TNFRSF18: variants seen among roughly 807,000 people sequenced by gnomAD.
The protein encoded by TNFRSF18 is TNF receptor superfamily member 18, also known as tumor necrosis factor receptor superfamily member 18.
A neutral mutation model predicts 30.2 loss-of-function variants in TNFRSF18; 36 were observed. The observed-to-expected ratio is 1.19, with a 90% confidence interval of 0.91 to 1.58. The LOEUF (loss-of-function observed/expected upper bound fraction) is 1.58, where lower values mean the gene tolerates loss of function less well. Ranked by LOEUF, TNFRSF18 falls within the 40% of genes most tolerant of loss-of-function variation. The probability of loss-of-function intolerance (pLI) is 0.00; values close to 1 mark genes in which losing one functional copy is unlikely to be tolerated. For synonymous variants in TNFRSF18, 173 were observed against 158.3 expected, an observed-to-expected ratio of 1.09 and a Z score of -0.70; for missense variants, 369 against 345.4, an observed-to-expected ratio of 1.07 and a Z score of -0.54.
rs1402469632 is a variant in TNFRSF18 at position 1,206,406 on chromosome 1, G to A, written c.166C>T (p.Arg56Cys). 3.2e-6 allele frequency: 5 copies of A among 1,547,254 alleles called. No homozygotes were observed. Among genetic ancestry groups the A allele is most frequent in the Middle Eastern group, 2.1e-4 (1 of 4,854 alleles). ...DARCCRVHTT[R>C]CCRDYPGEEC... ...TTACCCGGGTAATCGCGGCAGCAGC[G>A]CGTCGTGTGAACCCGGCAGCAGCGC... Residue 56 changes from arginine to cysteine, a missense_variant, in exon 1 of 5, where the codon CGC becomes TGC. Arg to Cys is a radical substitution (Grantham distance 180, BLOSUM62 -3). Coordinates refer to ENST00000379268, the MANE Select transcript of TNFRSF18 (RefSeq NM_004195.3).
Position 1,203,832 on chromosome 1 carries a change from G to C in TNFRSF18, c.*12C>G. 6.3e-7 allele frequency: 1 copy of C among 1,588,108 alleles called. No individual in the cohort carries two copies. The highest frequency in any genetic ancestry group is 8.5e-7 in the Non-Finnish European group (1 of 1,173,020). ...GCTGGCTGCGGTCGGTGGCCCCGGA[G>C]GACGGCCAGGCTCACACCCACAGGT... On this transcript the variant is annotated 3_prime_UTR_variant, in exon 5 of 5. Coordinates refer to ENST00000379268, the MANE Select transcript of TNFRSF18 (RefSeq NM_004195.3).
chr1:1,203,632 G>A lies in TNFRSF18; in HGVS notation c.*212C>T. The stretch of plus-strand genomic sequence containing the variant: ...TCAGGGCCAGCAAGGGAGGAAGGGG[G>A]CCATGACTGTGTCTCTCTCTCCCTC... On this transcript the variant is annotated 3_prime_UTR_variant, in exon 5 of 5. Transcript: ENST00000379268. The A allele has an allele frequency of 1.9e-6, 3 of 1,545,136 alleles. No homozygotes were observed. Among genetic ancestry groups the A allele is most frequent in the Non-Finnish European group, 2.6e-6 (3 of 1,154,210 alleles).
chr1:1,205,484 A>C lies in TNFRSF18; in HGVS notation c.196T>G (p.Cys66Gly). 1 of 1,611,274 alleles carries C rather than the reference A, an allele frequency of 6.2e-7. No individual in the cohort carries two copies. Among genetic ancestry groups the C allele is most frequent in the Non-Finnish European group, 8.5e-7 (1 of 1,179,218 alleles). Residue 66 changes from cysteine to glycine, a missense_variant, in exon 2 of 5, where the codon TGC becomes GGC. By Grantham distance (159) the Cys-to-Gly change is radical. Transcript: ENST00000379268. ...CACATGCAGTCCCACTCGGAACAGC[A>C]CTCCTCGCCTGGGCAGGAGACAGGC... ...RCCRDYPGEE[C>G]CSEWDCMCVQ...
intron 2 of TNFRSF18, among the ~76,000 whole-genome samples, chr1:1,205,114 C>T (rs529637316): frequency 4.6e-5 from 7 of 152,268 alleles, no homozygotes; most frequent in African/African-American, 7.2e-5. Context: ...TCCTGGAACC[C>T]GCCCCCACCT....
rs924376063 is a variant in TNFRSF18 at position 1,206,506 on chromosome 1, G to A, written c.66C>T (p.Leu22=). The A allele has an allele frequency of 1.3e-5, 20 of 1,544,530 alleles. No individual in the cohort carries two copies. Among genetic ancestry groups the A allele is most frequent in the East Asian group, 1.2e-4 (5 of 40,638 alleles). ...ALCGLALLCA[L]SLGQRPTGGP... ...CCCCGGTGGGGCGCTGACCCAGGCT[G>A]AGCGCGCACAGCAGCGCCAGGCCGC... The change falls in exon 1 of 5, where the codon CTC becomes CTT. Residue 22 remains leucine, a synonymous_variant. Transcript: ENST00000379268.
intron 1 of TNFRSF18, 49 bp from the exon 2 acceptor site, chr1:1,205,541 C>T: frequency 6.3e-7 from 1 of 1,580,906 alleles, no homozygotes; most frequent in South Asian, 1.1e-5. Context: ...GAGGCCCCCT[C>T]CTCCCCAGGC....
chr1:1,203,807 G>A lies in TNFRSF18; in HGVS notation c.*37C>T. 6.3e-7 allele frequency: 1 copy of A among 1,574,928 alleles called. No homozygotes were observed. The highest frequency in any genetic ancestry group is 1.8e-5 in the Admixed American group (1 of 56,390). On this transcript the variant is annotated 3_prime_UTR_variant, in exon 5 of 5. Coordinates refer to ENST00000379268, the MANE Select transcript of TNFRSF18 (RefSeq NM_004195.3). ...CGGCCTGGGGAGCTCCTGGGGAGGG[G>A]CTGGCTGCGGTCGGTGGCCCCGGAG...
chr1:1,206,038 G>C (rs1648807956), intron 1 of TNFRSF18, among the ~76,000 whole-genome samples: 1 of 152,148 alleles, frequency 6.6e-6, no homozygotes, highest in Non-Finnish European at 1.5e-5. Context: ...GTGCAGGGGG[G>C]CCCTCAACTG....
rs1648717067 is a variant in TNFRSF18 at position 1,204,505 on chromosome 1, G to A, written c.311-19C>T. Reference sequence around the variant, plus strand: ...AATTTCCCTGGTGTGGGGTGTGGGGGGAGGGAGGGAGGGAGGCTGGTGGAG... The same window carrying A: ...AATTTCCCTGGTGTGGGGTGTGGGGAGAGGGAGGGAGGGAGGCTGGTGGAG... On this transcript the variant is annotated intron_variant, in intron 2 of 4. Coordinates refer to ENST00000379268, the MANE Select transcript of TNFRSF18 (RefSeq NM_004195.3). 7.0e-6 allele frequency: 10 copies of A among 1,437,250 alleles called. No individual in the cohort carries two copies. Among genetic ancestry groups the A allele is most frequent in the Non-Finnish European group, 9.8e-6 (10 of 1,025,176 alleles). The allele number at this position is 1,437,250 out of a possible 1,614,324, so 89.0% of individuals were successfully genotyped here.
intron 1 of TNFRSF18, 145 bp from the exon 2 acceptor site, chr1:1,205,637 C>A: frequency 1.2e-6 from 1 of 832,080 alleles, no homozygotes. Context: ...GGCTGGGAGT[C>A]TGGACCCTGG....
rs773825402 is a variant in TNFRSF18 at position 1,203,635 on chromosome 1, A to C, written c.*209T>G. On this transcript the variant is annotated 3_prime_UTR_variant, in exon 5 of 5. Transcript: ENST00000379268. ...GGGCCAGCAAGGGAGGAAGGGGGCC[A>C]TGACTGTGTCTCTCTCTCCCTCCTG... is the stretch of plus-strand genomic sequence containing the variant. The C allele has an allele frequency of 1.5e-5, 23 of 1,545,620 alleles. No homozygotes were observed. In the African/African-American group the frequency reaches 3.1e-4, roughly 21 times the overall value.
chr1:1,203,853 C>T lies in TNFRSF18; in HGVS notation c.717G>A (p.Leu239=). The change falls in exon 5 of 5, where the codon CTG becomes CTA. Residue 239 remains leucine, a synonymous_variant. Coordinates refer to ENST00000379268, the MANE Select transcript of TNFRSF18 (RefSeq NM_004195.3). ...SAEEKGRLGD[L]WV ...CGGAGGACGGCCAGGCTCACACCCACAGGTCTCCCAGCCGCCCCTTCTCCT... is the reference window on the plus strand; with the variant it reads ...CGGAGGACGGCCAGGCTCACACCCATAGGTCTCCCAGCCGCCCCTTCTCCT... The T allele has an allele frequency of 6.3e-7, 1 of 1,594,380 alleles. No homozygotes were observed. The highest frequency in any genetic ancestry group is 8.5e-7 in the Non-Finnish European group (1 of 1,175,226).
rs1415871273 is a variant in TNFRSF18, at chr1:1,205,379, G to C, written c.301C>G (p.Gln101Glu). 6.2e-7 allele frequency: 1 copy of C among 1,611,856 alleles called. No individual in the cohort carries two copies. The highest frequency in any genetic ancestry group is 1.3e-5 in the African/African-American group (1 of 74,894). ...HHPCPPGQGVQSQGKFSFGFQ... is the reference protein window; with the variant it reads ...HHPCPPGQGVESQGKFSFGFQ... ...CACCTCCAGGACTTACCCTGGGACTGTACCCCCTGGCCTGGGGGACAAGGG... is the reference window on the plus strand; with the variant it reads ...CACCTCCAGGACTTACCCTGGGACTCTACCCCCTGGCCTGGGGGACAAGGG... Residue 101 changes from glutamine to glutamate, a missense_variant, in exon 2 of 5, where the codon CAG (glutamine) becomes GAG (glutamate). Gln to Glu is a conservative substitution (Grantham distance 29). Coordinates refer to ENST00000379268, the MANE Select transcript of TNFRSF18 (RefSeq NM_004195.3).
At chr1:1,205,913 C>T (rs1323543555) in intron 1 of TNFRSF18, among the ~76,000 whole-genome samples, 1 of 152,228 alleles carries the variant, frequency 6.6e-6, no homozygotes, top group Non-Finnish European at 1.5e-5. Flanking sequence ...CCCACAGGCC[C>T]TGGAGGAAGA....
At chr1:1,205,818 C>G in intron 1 of TNFRSF18, 1 of 343,292 alleles carries the variant, frequency 2.9e-6, no homozygotes, top group Non-Finnish European at 5.4e-6. Context: ...CCGTCGACAC[C>G]TCAGAGGCCG....
At chr1:1,204,573 C>T in intron 2 of TNFRSF18, 87 bp from the exon 3 acceptor site, 2 of 1,018,674 alleles carry the variant, frequency 2.0e-6, no homozygotes, top group Admixed American at 1.9e-5. Context: ...GTGCAGGGGT[C>T]CATCTGGGGT....
intron 2 of TNFRSF18, among the ~76,000 whole-genome samples, chr1:1,205,060 G>A (rs1431391242): frequency 2.0e-5 from 3 of 152,164 alleles, no homozygotes; most frequent in African/African-American, 4.8e-5. Flanking sequence ...AGTATGTGGT[G>A]AGGACAGACA....
chr1:1,206,311 G>A (rs912644166), intron 1 of TNFRSF18, 74 bp downstream of exon 1: 56 of 1,495,284 alleles, frequency 3.7e-5, no homozygotes, highest in Non-Finnish European at 4.5e-5. Flanking sequence ...AGCACGGGAA[G>A]GGGGGCGCCC....
In TNFRSF18 at chr1:1,204,146, A is replaced by G. The variant is rs754685317; in HGVS notation, c.489T>C (p.Leu163=). The G allele has an allele frequency of 5.0e-6, 8 of 1,612,056 alleles. No individual in the cohort carries two copies. Among genetic ancestry groups the G allele is most frequent in the Non-Finnish European group, 6.8e-6 (8 of 1,179,730 alleles). Residue 163 remains leucine, a synonymous_variant, in exon 4 of 5, where the codon CTT becomes CTC. Coordinates refer to ENST00000379268, the MANE Select transcript of TNFRSF18 (RefSeq NM_004195.3). ...CVPGSPPAEP[L]GWLTVVLLAV... is the part of the protein sequence containing the mutation. ...CCAGGAGGACGACGGTCAGCCACCC[A>G]AGCGGCTCTGCCGGCGGGGACCCTG...
Sources: gnomAD v4.1 joint callset for allele counts (sites outside exome capture counted in the v4.1 genomes callset) on GRCh38, gnomAD v4.1.1 for gene constraint, MANE v1.5 for transcripts, NCBI Gene and HGNC (gene_info 2026-07-23, HGNC 2026-07-21) for gene names.